Variants in C8orf34 observed in about 807,000 individuals in gnomAD.
C8orf34 encodes the protein chromosome 8 open reading frame 34, also known as uncharacterized protein C8orf34.
A neutral mutation model predicts 68.3 loss-of-function variants in C8orf34; 65 were observed. The observed-to-expected ratio is 0.95, with a 90% CI of 0.78 to 1.17. The LOEUF is 1.17. Among genes scored for constraint, C8orf34 ranks in the 50% most tolerant of loss-of-function variants. The pLI is 0.00. For missense variants in C8orf34, 664 were observed against 655.4 expected (o/e 1.01, Z -0.14); for synonymous variants, 244 against 241.2 (o/e 1.01, Z -0.11).
intron 1 of C8orf34, among the ~76,000 whole-genome samples, chr8:68,390,111 T>A (rs1036199024): frequency 3.3e-5 from 5 of 152,072 alleles, no homozygotes; most frequent in African/African-American, 1.2e-4. Context: ...CACTGTTGTA[T>A]CTTTTGGTGT....
At chr8:68,602,103 A>C in intron 7 of C8orf34, among the ~76,000 whole-genome samples, 1 of 152,106 alleles carries the variant, frequency 6.6e-6, no homozygotes, top group East Asian at 1.9e-4. Context: ...CTGACTTTAA[A>C]AGCCTTGTTG....
intron 12 of C8orf34, among the ~76,000 whole-genome samples, chr8:68,798,608 T>C (rs972804497): frequency 3.9e-5 from 6 of 152,268 alleles, no homozygotes; most frequent in African/African-American, 1.4e-4. Flanking sequence ...GTAAAAACAA[T>C]TACTGTCAAT....
chr8:68,560,226 C>T (rs56042829), intron 7 of C8orf34, among the ~76,000 whole-genome samples: 32,914 of 151,136 alleles, frequency 0.22, 4,748 homozygotes, highest in African/African-American at 0.42. Flanking sequence ...TACAGAGGTG[C>T]CGAGAGACAG....
chr8:68,548,772 G>A (rs928345156), intron 7 of C8orf34, among the ~76,000 whole-genome samples: 4 of 151,762 alleles, frequency 2.6e-5, no homozygotes, highest in Non-Finnish European at 4.4e-5. Context: ...CAATACAAAT[G>A]TCAATCATCA....
chr8:68,545,472 T>C (rs1815844972), intron 7 of C8orf34, among the ~76,000 whole-genome samples: 1 of 151,976 alleles, frequency 6.6e-6, no homozygotes, highest in Non-Finnish European at 1.5e-5. Context: ...CAGTTATAGA[T>C]AGAAAAACTC....
At chr8:68,424,854 T>G (rs1481403029) in intron 1 of C8orf34, among the ~76,000 whole-genome samples, 1 of 152,060 alleles carries the variant, frequency 6.6e-6, no homozygotes, top group East Asian at 1.9e-4. Context: ...GAGCTGAGAT[T>G]GCGCCACTGC....
rs1443304691 is a variant in C8orf34, at chr8:68,390,517, T to A, written c.328-48982T>A. On this transcript the variant is annotated intron_variant, in intron 1 of 13. Coordinates refer to ENST00000518698, the MANE Select transcript of C8orf34 (RefSeq NM_052958.4). The stretch of plus-strand genomic sequence containing the variant: ...GACTATGTATGGTTTATGTATCACA[T>A]ACAATTCATTAAAACTAGAACAGAC... Among the ~76,000 whole-genome samples the A allele has an allele frequency of 5.3e-5, 8 of 152,292 alleles. No individual in the cohort carries two copies. In the East Asian group the frequency reaches 1.5e-3, roughly 29 times the overall value.
intron 1 of C8orf34, among the ~76,000 whole-genome samples, chr8:68,413,314 A>G (rs558325684): frequency 7.2e-5 from 11 of 152,338 alleles, no homozygotes; most frequent in Middle Eastern, 6.8e-3. Context: ...AAATCTGCAG[A>G]CAAACACTGC....
chr8:68,745,000 C>T (rs1822438141), intron 10 of C8orf34, among the ~76,000 whole-genome samples: 1 of 152,160 alleles, frequency 6.6e-6, no homozygotes, highest in South Asian at 2.1e-4. Flanking sequence ...TCGGGTTACC[C>T]TGAAAGGGAA....
chr8:68,618,818 A>G (rs1818304910), intron 7 of C8orf34, among the ~76,000 whole-genome samples: 1 of 152,236 alleles, frequency 6.6e-6, no homozygotes, highest in Non-Finnish European at 1.5e-5. Context: ...TGGTCCTCAC[A>G]TTTGTGTCAG....
At chr8:68,563,188 A>G (rs540052213) in intron 7 of C8orf34, among the ~76,000 whole-genome samples, 213 of 152,310 alleles carry the variant, frequency 1.4e-3, no homozygotes, top group Non-Finnish European at 2.7e-3. Flanking sequence ...TTAGATAGCC[A>G]GGAAAATGCT....
intron 8 of C8orf34, among the ~76,000 whole-genome samples, chr8:68,656,844 T>C (rs1209405526): frequency 6.6e-6 from 1 of 152,206 alleles, no homozygotes; most frequent in Non-Finnish European, 1.5e-5. Context: ...TCTAGATTCT[T>C]TCAGTCCTGA....
chr8:68,561,536 C>T (rs550465194), intron 7 of C8orf34, among the ~76,000 whole-genome samples: 212 of 152,264 alleles, frequency 1.4e-3, no homozygotes, highest in Non-Finnish European at 2.7e-3. Flanking sequence ...ATGGGGGGAT[C>T]TCCTGAGGTC....
At chr8:68,605,598 T>C (rs1006988122) in intron 7 of C8orf34, among the ~76,000 whole-genome samples, 2 of 152,054 alleles carry the variant, frequency 1.3e-5, no homozygotes, top group Non-Finnish European at 1.5e-5. Flanking sequence ...CTTAAGTGCA[T>C]ATTACTAGGT....
At chr8:68,810,528 G>T (rs186554795) in intron 12 of C8orf34, among the ~76,000 whole-genome samples, 1 of 152,060 alleles carries the variant, frequency 6.6e-6, no homozygotes, top group Non-Finnish European at 1.5e-5. Context: ...CTCGTAGCCC[G>T]CAAGGTGGTG....
intron 7 of C8orf34, among the ~76,000 whole-genome samples, chr8:68,560,143 T>C (rs1816376420): frequency 7.2e-6 from 1 of 138,592 alleles, no homozygotes; most frequent in Admixed American, 6.9e-5. Flanking sequence ...CTGATTCTGG[T>C]GTTTTTTTTT....
intron 8 of C8orf34, among the ~76,000 whole-genome samples, chr8:68,643,662 G>T (rs951842389): frequency 1.3e-5 from 2 of 151,982 alleles, no homozygotes; most frequent in Non-Finnish European, 2.9e-5. Flanking sequence ...TTTTATAAGG[G>T]CACTAATTCC....
At chr8:68,389,608 A>C (rs1808399182) in intron 1 of C8orf34, among the ~76,000 whole-genome samples, 1 of 152,150 alleles carries the variant, frequency 6.6e-6, no homozygotes, top group South Asian at 2.1e-4. Context: ...TGTAATTATC[A>C]TATTGTAAAG....
At chr8:68,460,236 G>A (rs1044612018) in intron 3 of C8orf34, among the ~76,000 whole-genome samples, 5 of 152,220 alleles carry the variant, frequency 3.3e-5, no homozygotes, top group Non-Finnish European at 7.3e-5. Context: ...CGAGGCTGGG[G>A]GAGGGGCGCC....
Sources: gnomAD v4.1 joint callset for allele counts (sites outside exome capture counted in the v4.1 genomes callset) on GRCh38, gnomAD v4.1.1 for gene constraint, MANE v1.5 for transcripts, NCBI Gene and HGNC (gene_info 2026-07-23, HGNC 2026-07-21) for gene names.